The following FGF12 variants were observed in gnomAD, a reference collection of about 807,000 sequenced individuals.
The protein encoded by FGF12 is fibroblast growth factor 12.
Under a neutral mutation model 23.6 loss-of-function variants are expected in FGF12, and 14 were observed. That is an observed-to-expected ratio of 0.59 (90% CI 0.39 to 0.93). FGF12 has a LOEUF of 0.93. FGF12 is among the 40% of genes least tolerant of loss of function. FGF12 has a pLI of 0.00. For missense variants in FGF12, 175 were observed against 217.8 expected, an observed-to-expected ratio of 0.80 and a Z score of 1.24; for synonymous variants, 62 against 77.3, an observed-to-expected ratio of 0.80 and a Z score of 1.04.
At chr3:192,234,831 G>A (rs1043887441) in intron 4 of FGF12, among the ~76,000 whole-genome samples, 2 of 152,160 alleles carry the variant, frequency 1.3e-5, no homozygotes, top group South Asian at 2.1e-4. Context: ...CTGTTTATGT[G>A]ATGAATCGCA....
At chr3:192,146,351 A>T (rs1239363681) in intron 5 of FGF12, among the ~76,000 whole-genome samples, 1 of 149,798 alleles carries the variant, frequency 6.7e-6, no homozygotes, top group Non-Finnish European at 1.5e-5. Context: ...GCTCACTGCA[A>T]ACTCCGCCTC....
chr3:192,186,060 A>T (rs1421026799), intron 4 of FGF12, among the ~76,000 whole-genome samples: 1 of 152,156 alleles, frequency 6.6e-6, no homozygotes, highest in Non-Finnish European at 1.5e-5. Flanking sequence ...TTCACATTCT[A>T]TGTTAGTTTA....
At chr3:192,170,216 G>T (rs1715472800) in intron 5 of FGF12, among the ~76,000 whole-genome samples, 1 of 145,690 alleles carries the variant, frequency 6.9e-6, no homozygotes, top group Non-Finnish European at 1.5e-5. Context: ...CCGGGAGGAG[G>T]TTGCAGTGAG....
intron 2 of FGF12, among the ~76,000 whole-genome samples, chr3:192,377,537 T>G (rs959742399): frequency 6.6e-6 from 1 of 152,244 alleles, no homozygotes; most frequent in South Asian, 2.1e-4. Flanking sequence ...AAGTCTTATT[T>G]TAGCGTCAAT....
intron 4 of FGF12, among the ~76,000 whole-genome samples, chr3:192,306,122 AT>A (rs1715638144): frequency 6.6e-6 from 1 of 152,088 alleles, no homozygotes; most frequent in African/African-American, 2.4e-5. Context: ...TAAGGTTTTT[AT>A]GTGGATCCAG....
chr3:192,328,730 TCTAA>T (rs986395241), intron 4 of FGF12, among the ~76,000 whole-genome samples: 2 of 152,202 alleles, frequency 1.3e-5, no homozygotes, highest in Non-Finnish European at 2.9e-5. Flanking sequence ...GACTATGCCC[TCTAA>T]CTTAGTAGTT....
At chr3:192,202,438 C>T (rs1376672325) in intron 4 of FGF12, among the ~76,000 whole-genome samples, 1 of 152,200 alleles carries the variant, frequency 6.6e-6, no homozygotes, top group East Asian at 1.9e-4. Flanking sequence ...GTCTTAGGCA[C>T]AGATTTATTA....
At chr3:192,540,887 A>C (rs1725347946) in intron 2 of FGF12, among the ~76,000 whole-genome samples, 1 of 152,108 alleles carries the variant, frequency 6.6e-6, no homozygotes, top group African/African-American at 2.4e-5. Flanking sequence ...TCATTATGTA[A>C]TGACCTTCTT....
intron 2 of FGF12, among the ~76,000 whole-genome samples, chr3:192,711,637 T>C (rs1265130183): frequency 1.3e-5 from 2 of 152,156 alleles, no homozygotes; most frequent in African/African-American, 4.8e-5. Context: ...TGTTGATCTA[T>C]GACCTTACCC....
chr3:192,158,670 CTCCCTCTCTCTCTCTCTTTCT>C (rs1560171955), intron 5 of FGF12, among the ~76,000 whole-genome samples: 19 of 74,710 alleles, frequency 2.5e-4, no homozygotes, highest in East Asian at 6.7e-4. Context: ...CCTTCCCTCC[CTCCCTCTCTCTCTCTCTTTCT>C]CCTTCCTTCC....
At chr3:192,233,772 T>G (rs1284197526) in intron 4 of FGF12, among the ~76,000 whole-genome samples, 1 of 152,128 alleles carries the variant, frequency 6.6e-6, no homozygotes, top group Non-Finnish European at 1.5e-5. Flanking sequence ...GGCTAGCGAG[T>G]GATCCCAGCA....
chr3:192,639,417 G>C (rs1715706832), intron 2 of FGF12, among the ~76,000 whole-genome samples: 1 of 152,178 alleles, frequency 6.6e-6, no homozygotes, highest in Non-Finnish European at 1.5e-5. Context: ...ATTCAAAATA[G>C]AATTACCACA....
At chr3:192,391,567 G>T (rs1270473782) in intron 2 of FGF12, among the ~76,000 whole-genome samples, 1 of 152,068 alleles carries the variant, frequency 6.6e-6, no homozygotes, top group African/African-American at 2.4e-5. Flanking sequence ...TTTACTCTGG[G>T]TTTATCAGAC....
At chr3:192,613,186 C>CT (rs1164556454) in intron 2 of FGF12, among the ~76,000 whole-genome samples, 6 of 151,830 alleles carry the variant, frequency 4.0e-5, no homozygotes, top group African/African-American at 4.8e-5. Context: ...TCCTTGAAGA[C>CT]TTTTTGTACA....
intron 3 of FGF12, among the ~76,000 whole-genome samples, chr3:192,350,913 G>A: frequency 6.6e-6 from 1 of 152,184 alleles, no homozygotes; most frequent in East Asian, 1.9e-4. Context: ...GAAGCTTTAA[G>A]TAAAGAGACC....
At chr3:192,473,168 A>G (rs1723221031) in intron 2 of FGF12, among the ~76,000 whole-genome samples, 1 of 152,230 alleles carries the variant, frequency 6.6e-6, no homozygotes, top group South Asian at 2.1e-4. Context: ...TTTGATTGAA[A>G]CAGGAAATAC....
intron 5 of FGF12, among the ~76,000 whole-genome samples, chr3:192,166,326 T>C (rs73060432): frequency 0.022 from 3,426 of 152,276 alleles, 115 homozygotes; most frequent in African/African-American, 0.079. Flanking sequence ...TGTGATGATC[T>C]CCATTAATCT....
At chr3:192,416,006 A>C (rs1380425472) in intron 2 of FGF12, among the ~76,000 whole-genome samples, 1 of 151,956 alleles carries the variant, frequency 6.6e-6, no homozygotes, top group Admixed American at 6.6e-5. Flanking sequence ...CAGGGAATGG[A>C]TCTTGTTGAA....
intron 3 of FGF12, among the ~76,000 whole-genome samples, chr3:192,337,364 A>AAGT (rs893849271): frequency 6.6e-6 from 1 of 152,084 alleles, no homozygotes; most frequent in Non-Finnish European, 1.5e-5. Context: ...AGTGAGGTGG[A>AAGT]AGTTAGGTGG....
Sources: gnomAD v4.1 joint callset for allele counts (sites outside exome capture counted in the v4.1 genomes callset) on GRCh38, gnomAD v4.1.1 for gene constraint, MANE v1.5 for transcripts, NCBI Gene and HGNC (gene_info 2026-07-23, HGNC 2026-07-21) for gene names.